INPP5K: variants seen among roughly 807,000 people sequenced by gnomAD.
The protein encoded by INPP5K is inositol polyphosphate 5-phosphatase K.
INPP5K carries 35 observed loss-of-function variants against 53.5 expected under a neutral mutation model. The observed-to-expected ratio is 0.65, with a 90% confidence interval of 0.50 to 0.87. The LOEUF (loss-of-function observed/expected upper bound fraction) is 0.87, where lower values mean the gene tolerates loss of function less well. Among genes scored for constraint, INPP5K ranks in the 40% least tolerant of loss-of-function variants. INPP5K has a pLI of 0.00. For synonymous variants in INPP5K, 253 were observed against 232.8 expected, an observed-to-expected ratio of 1.09 and a Z score of -0.79; for missense variants, 550 against 586.2, an observed-to-expected ratio of 0.94 and a Z score of 0.64.
Position 1,495,758 on chromosome 17 carries a change from G to T in INPP5K, c.*65C>A. On this transcript the variant is annotated 3_prime_UTR_variant, in exon 12 of 12. Coordinates refer to ENST00000421807, the MANE Select transcript of INPP5K (RefSeq NM_016532.4). ...GCCAGGCTGGGCCCCCAGCACTCCCGGCAGTGGAAAGGCAGAGCTGGCTGC... is the reference window on the plus strand; with the variant it reads ...GCCAGGCTGGGCCCCCAGCACTCCCTGCAGTGGAAAGGCAGAGCTGGCTGC... 1.6e-6 allele frequency: 2 copies of T among 1,235,354 alleles called. No homozygotes were observed. Among genetic ancestry groups the T allele is most frequent in the Non-Finnish European group, 2.4e-6 (2 of 848,612 alleles). 76.5% of individuals were successfully genotyped at this position (1,235,354 alleles called of 1,614,324 possible). A position where few individuals can be genotyped will look rare whatever the true frequency, so the allele number is the denominator to read the frequency against.
chr17:1,496,270 G>A (rs1235602931), intron 10 of INPP5K, 49 bp downstream of exon 10: 3 of 1,509,548 alleles, frequency 2.0e-6, no homozygotes, highest in Non-Finnish European at 2.7e-6. Context: ...AGACAGGAGT[G>A]CTGAGGCAGG....
At chr17:1,512,438 T>C (rs1281674605) in intron 3 of INPP5K, among the ~76,000 whole-genome samples, 1 of 152,122 alleles carries the variant, frequency 6.6e-6, no homozygotes, top group Admixed American at 6.6e-5. Context: ...CTTAGATTCT[T>C]TCCTCCCCAT....
intron 3 of INPP5K, among the ~76,000 whole-genome samples, chr17:1,512,855 G>C (rs968066222): frequency 1.3e-5 from 2 of 152,124 alleles, no homozygotes; most frequent in Non-Finnish European, 1.5e-5. Flanking sequence ...GGCTAGCCAC[G>C]CCTAAGATCT....
intron 7 of INPP5K, 128 bp from the exon 8 acceptor site, chr17:1,498,250 C>T (rs550395546): frequency 4.4e-5 from 34 of 771,802 alleles, no homozygotes; most frequent in Admixed American, 7.8e-5. Context: ...CACAGACCCC[C>T]GGGGCCAGAG....
At chr17:1,500,581 G>C (rs2074984697) in intron 7 of INPP5K, among the ~76,000 whole-genome samples, 1 of 152,138 alleles carries the variant, frequency 6.6e-6, no homozygotes, top group African/African-American at 2.4e-5. Context: ...TAGCCAGGAT[G>C]GTCTTGATCT....
Position 1,508,138 on chromosome 17 carries a change from C to T in INPP5K, c.643G>A (p.Gly215Ser), listed in dbSNP as rs61733755. 1,593 of 1,613,912 alleles carry T rather than the reference C, an allele frequency of 9.9e-4. 23 individuals carry two copies. The South Asian group carries it at 0.016, about 16-fold the overall frequency. Residue 215 changes from glycine (G) to serine (S), a missense_variant, in exon 6 of 12, where the codon GGT becomes AGT. Gly to Ser is a moderately conservative substitution (Grantham distance 56). Transcript: ENST00000421807. ...ACCTGGTCCTTCTCCCACAGGCCACCGTAGCACCGATTTTTAATGGATTCC... is the reference window on the plus strand; with the variant it reads ...ACCTGGTCCTTCTCCCACAGGCCACTGTAGCACCGATTTTTAATGGATTCC... ...VRESIKNRCY[G>S]GLWEKDQLSI... is the part of the protein sequence containing the mutation.
At chr17:1,508,044 ACT>A in intron 6 of INPP5K, 69 bp downstream of exon 6, 1 of 1,106,296 alleles carries the variant, frequency 9.0e-7, no homozygotes, top group Non-Finnish European at 1.4e-6. Context: ...ATCTAGCAAC[ACT>A]CTGCACAGCT....
rs1034023268 is a variant in INPP5K, at chr17:1,515,344, C to T, written c.44+1112G>A. 3 of 784,618 alleles carry T rather than the reference C, an allele frequency of 3.8e-6. No individual in the cohort carries two copies. In the African/African-American group the frequency reaches 5.6e-5, roughly 15 times the overall value. 48.6% of individuals were successfully genotyped at this position (784,618 alleles called of 1,614,324 possible). On this transcript the variant is annotated intron_variant, in intron 1 of 11. Transcript: ENST00000421807. ...GTTGGATATTTTCCACCTCAGCTTA[C>T]AAGTCTTAGGGAAGCAAGAAAACTA...
chr17:1,511,876 AGGGTG>A, intron 3 of INPP5K, among the ~76,000 whole-genome samples: 1 of 12,888 alleles, frequency 7.8e-5, no homozygotes, highest in East Asian at 2.3e-3. Flanking sequence ...GGGGGCGGGG[AGGGTG>A]GGGTCGGGGC....
intron 4 of INPP5K, 118 bp from the exon 5 acceptor site, chr17:1,509,471 T>A: frequency 1.9e-6 from 2 of 1,038,788 alleles, no homozygotes; most frequent in Non-Finnish European, 2.9e-6. Context: ...CTAGGGACAG[T>A]AACTAAGCTT....
At chr17:1,509,580 T>C (rs1378670204) in intron 4 of INPP5K, 103 bp downstream of exon 4, 7 of 945,026 alleles carry the variant, frequency 7.4e-6, no homozygotes, top group Non-Finnish European at 1.2e-5. Flanking sequence ...TGCATTGGGC[T>C]GGACAGAGGA....
At chr17:1,511,384 C>T (rs2075304113) in intron 3 of INPP5K, among the ~76,000 whole-genome samples, 1 of 152,220 alleles carries the variant, frequency 6.6e-6, no homozygotes. Flanking sequence ...GTAGCTCTCC[C>T]TCTCAGGTTC....
chr17:1,497,876 T>C, intron 8 of INPP5K, 60 bp downstream of exon 8: 5 of 1,445,292 alleles, frequency 3.5e-6, no homozygotes, highest in South Asian at 1.2e-5. Flanking sequence ...GATGGAGGGC[T>C]TGGGGATGTG....
intron 1 of INPP5K, among the ~76,000 whole-genome samples, 200 bp from the exon 2 acceptor site, chr17:1,514,179 C>T (rs781608839): frequency 1.3e-4 from 20 of 151,972 alleles, no homozygotes; most frequent in Admixed American, 3.9e-4. Context: ...AAAAATTAGC[C>T]CAGCATGGTG....
chr17:1,500,375 T>TTTTTTTTGAGAC (rs1159260524), intron 7 of INPP5K, among the ~76,000 whole-genome samples: 2 of 152,074 alleles, frequency 1.3e-5, no homozygotes, highest in African/African-American at 4.8e-5. Context: ...AAGTTTTTTT[T>TTTTTTTTGAGAC]TTTTTTTGAG....
At chr17:1,500,554 A>G (rs369085981) in intron 7 of INPP5K, among the ~76,000 whole-genome samples, 7,240 of 152,044 alleles carry the variant, frequency 0.048, 227 homozygotes, top group Non-Finnish European at 0.073. Flanking sequence ...TTTAGTAGAG[A>G]CGGGGTTTCA....
chr17:1,509,416 C>T (rs1256476145), intron 4 of INPP5K, 63 bp from the exon 5 acceptor site: 25 of 1,479,708 alleles, frequency 1.7e-5, no homozygotes, highest in Non-Finnish European at 1.9e-5. Flanking sequence ...CCTCTTTCCA[C>T]ATCCTGGACC....
rs902636703 is a variant in INPP5K, at chr17:1,506,890, C to CT, written c.776+89dup. ...ATGACTAGACCAATTCCTGCCCCCC[C>CT]TAACACTTCTATTCTGAGACAGTTC... On this transcript the variant is annotated intron_variant, in intron 7 of 11. Transcript: ENST00000421807. The CT allele has an allele frequency of 5.6e-6, 5 of 899,264 alleles. No individual in the cohort carries two copies. In the African/African-American group the frequency reaches 6.6e-5, roughly 12 times the overall value. The allele number at this position is 899,264 out of a possible 1,614,324, so 55.7% of individuals were successfully genotyped here. A position where few individuals can be genotyped will look rare whatever the true frequency, so the allele number is the denominator to read the frequency against.
At chr17:1,507,409 A>C (rs2075184718) in intron 6 of INPP5K, 2 of 316,392 alleles carry the variant, frequency 6.3e-6, no homozygotes, top group Non-Finnish European at 1.2e-5. Context: ...AACCTGGGGA[A>C]GCCAGGGTTC....
Sources: gnomAD v4.1 joint callset for allele counts (sites outside exome capture counted in the v4.1 genomes callset) on GRCh38, gnomAD v4.1.1 for gene constraint, MANE v1.5 for transcripts, NCBI Gene and HGNC (gene_info 2026-07-23, HGNC 2026-07-21) for gene names.